Variants in STARD13 observed in about 807,000 individuals in gnomAD.
STARD13 encodes StAR related lipid transfer domain containing 13, also known as stAR-related lipid transfer protein 13.
In STARD13, 62 loss-of-function variants were observed where a neutral mutation model predicts 106.4. The ratio of observed to expected loss-of-function variants is 0.58; its 90% CI spans 0.48 to 0.72. The LOEUF (loss-of-function observed/expected upper bound fraction) is 0.72, where lower values mean the gene tolerates loss of function less well. Ranked by LOEUF, STARD13 falls within the 30% of genes least tolerant of loss-of-function variation. The pLI is 0.00. For missense variants in STARD13, 1,387 were observed against 1,424.0 expected, an observed-to-expected ratio of 0.97 and a Z score of 0.42; for synonymous variants, 565 against 553.0, an observed-to-expected ratio of 1.02 and a Z score of -0.31.
At chr13:33,138,666 G>GA (rs1313419615) in intron 4 of STARD13, 1 of 296,198 alleles carries the variant, frequency 3.4e-6, no homozygotes, top group East Asian at 1.1e-4. Flanking sequence ...GCAGGAATGG[G>GA]CCGCTGGGAA....
intron 1 of STARD13, among the ~76,000 whole-genome samples, chr13:33,263,531 C>G (rs190303255): frequency 5.9e-5 from 9 of 152,260 alleles, no homozygotes; most frequent in African/African-American, 2.2e-4. Context: ...TTGTTTTAAT[C>G]TTGGGAAGGG....
the STARD13 span, among the ~76,000 whole-genome samples, chr13:33,494,973 A>C: frequency 4.1e-4 from 62 of 152,294 alleles, 1 homozygote; most frequent in South Asian, 1.0e-3. Flanking sequence ...TCAACAGTGC[A>C]GTCTGTCTGA....
intron 8 of STARD13, chr13:33,113,428 C>T (rs1161784888): frequency 2.2e-6 from 1 of 450,198 alleles, no homozygotes; most frequent in Non-Finnish European, 4.5e-6. Flanking sequence ...TCCACCCCTG[C>T]CAGCCAGGCC....
chr13:33,451,516 A>T, the STARD13 span, among the ~76,000 whole-genome samples: 1 of 152,134 alleles, frequency 6.6e-6, no homozygotes, highest in Non-Finnish European at 1.5e-5. Context: ...CACCTGGTTC[A>T]TGTTGACAAA....
At chr13:33,349,281 C>T in intron 1 of STARD13, 1 of 700,686 alleles carries the variant, frequency 1.4e-6, no homozygotes, top group South Asian at 1.5e-5. Context: ...GGGGCCCTTC[C>T]AATCATGCTT....
At chr13:33,216,763 T>C (rs1437761634) in intron 1 of STARD13, among the ~76,000 whole-genome samples, 3 of 152,136 alleles carry the variant, frequency 2.0e-5, no homozygotes, top group African/African-American at 4.8e-5. Context: ...ACCATATGTA[T>C]AGGAGAGGCA....
At chr13:33,556,051 A>G in the STARD13 span, among the ~76,000 whole-genome samples, 8 of 152,220 alleles carry the variant, frequency 5.3e-5, no homozygotes, top group African/African-American at 1.9e-4. Context: ...AAGTAGGAAC[A>G]CACAAAAGTT....
At chr13:33,376,317 A>G in the STARD13 span, among the ~76,000 whole-genome samples, 1 of 152,290 alleles carries the variant, frequency 6.6e-6, no homozygotes, top group East Asian at 1.9e-4. Context: ...AAGTTTAAAT[A>G]AAAATGACAA....
downstream of STARD13, among the ~76,000 whole-genome samples, chr13:33,347,818 G>A (rs1418995063): frequency 6.6e-6 from 1 of 152,138 alleles, no homozygotes. Flanking sequence ...GCGTGCTGTG[G>A]TTGGTTATTC....
the STARD13 span, among the ~76,000 whole-genome samples, chr13:33,557,504 A>G: frequency 6.6e-6 from 1 of 152,200 alleles, no homozygotes; most frequent in African/African-American, 2.4e-5. Flanking sequence ...CTTGAAATTT[A>G]TGAAGAATTT....
chr13:33,571,613 C>T, the STARD13 span, among the ~76,000 whole-genome samples: 1 of 152,134 alleles, frequency 6.6e-6, no homozygotes, highest in African/African-American at 2.4e-5. Flanking sequence ...ATTCTATATC[C>T]TATATTCAAG....
chr13:33,481,641 GA>G, the STARD13 span, among the ~76,000 whole-genome samples: 1 of 152,044 alleles, frequency 6.6e-6, no homozygotes, highest in African/African-American at 2.4e-5. Flanking sequence ...GTGAGAGAAG[GA>G]GGGGTAGGTG....
chr13:33,528,211 CAT>C, the STARD13 span, among the ~76,000 whole-genome samples: 234 of 113,684 alleles, frequency 2.1e-3, no homozygotes, highest in East Asian at 5.2e-3. Context: ...TATACAGATA[CAT>C]GTGTGTGTGT....
At chr13:33,655,082 G>A in the STARD13 span, among the ~76,000 whole-genome samples, 1 of 152,212 alleles carries the variant, frequency 6.6e-6, no homozygotes, top group African/African-American at 2.4e-5. Context: ...AGAAATACAA[G>A]CTAAGAATCC....
the STARD13 span, among the ~76,000 whole-genome samples, chr13:33,644,535 G>A: frequency 6.6e-6 from 1 of 151,870 alleles, no homozygotes; most frequent in Admixed American, 6.6e-5. Flanking sequence ...AGATCTTGTT[G>A]GTAGAGAGGA....
At chr13:33,439,179 A>C in the STARD13 span, among the ~76,000 whole-genome samples, 1 of 152,260 alleles carries the variant, frequency 6.6e-6, no homozygotes, top group African/African-American at 2.4e-5. Context: ...GTGGTGATTC[A>C]AGATTGGTTA....
intron 3 of STARD13, among the ~76,000 whole-genome samples, chr13:33,142,608 C>A (rs1879985663): frequency 6.6e-6 from 1 of 152,188 alleles, no homozygotes; most frequent in African/African-American, 2.4e-5. Flanking sequence ...TTTCCCTAAT[C>A]TAAACCCAGC....
chr13:33,519,190 T>C, the STARD13 span, among the ~76,000 whole-genome samples: 9,516 of 135,916 alleles, frequency 0.07, 996 homozygotes, highest in African/African-American at 0.25. Context: ...CTGTTGATGA[T>C]ATTTCCTCTT....
chr13:33,137,920 G>A (rs940906338), intron 4 of STARD13, among the ~76,000 whole-genome samples: 6 of 151,030 alleles, frequency 4.0e-5, no homozygotes, highest in African/African-American at 1.5e-4. Context: ...CAAGGGAGTG[G>A]GAAGTAGGGG....
Sources: gnomAD v4.1 joint callset for allele counts (sites outside exome capture counted in the v4.1 genomes callset) on GRCh38, gnomAD v4.1.1 for gene constraint, MANE v1.5 for transcripts, NCBI Gene and HGNC (gene_info 2026-07-23, HGNC 2026-07-21) for gene names.